Variants in SGIP1 observed in about 807,000 individuals in gnomAD.
SGIP1 encodes SH3GL interacting endocytic adaptor 1, also known as SH3-containing GRB2-like protein 3-interacting protein 1.
In SGIP1, 38 loss-of-function variants were observed where a neutral mutation model predicts 107.5. That is an observed-to-expected ratio of 0.35 (90% CI 0.27 to 0.46). The LOEUF is 0.46. Ranked by LOEUF, SGIP1 falls within the 20% of genes least tolerant of loss-of-function variation. SGIP1 has a pLI of 1.00. For synonymous variants in SGIP1, 365 were observed against 366.1 expected, an observed-to-expected ratio of 1.00 and a Z score of 0.03; for missense variants, 929 against 1,019.5, an observed-to-expected ratio of 0.91 and a Z score of 1.21.
intron 17 of SGIP1, chr1:66,694,599 A>C: frequency 1.1e-6 from 1 of 932,322 alleles, no homozygotes; most frequent in Non-Finnish European, 1.5e-6. Context: ...ACATGCCCTC[A>C]CCTCATGAGT....
chr1:66,649,929 T>C (rs1398676019), intron 7 of SGIP1, among the ~76,000 whole-genome samples: 1 of 152,206 alleles, frequency 6.6e-6, no homozygotes, highest in Non-Finnish European at 1.5e-5. Flanking sequence ...CCCAGTGCCT[T>C]GGTTTCTTCA....
At chr1:66,635,781 T>G (rs1571005716) in intron 3 of SGIP1, among the ~76,000 whole-genome samples, 163 bp from the exon 4 acceptor site, 1 of 152,314 alleles carries the variant, frequency 6.6e-6, no homozygotes. Flanking sequence ...AAGTCCACTC[T>G]TTGCTTAAGG....
chr1:66,694,188 A>G (rs2090420600), intron 17 of SGIP1, among the ~76,000 whole-genome samples: 1 of 149,890 alleles, frequency 6.7e-6, no homozygotes, highest in African/African-American at 2.5e-5. Flanking sequence ...AGCTGACTTC[A>G]GACAAATTCA....
chr1:66,642,908 A>G, intron 6 of SGIP1, 44 bp downstream of exon 6: 2 of 1,460,534 alleles, frequency 1.4e-6, no homozygotes, highest in Non-Finnish European at 1.9e-6. Flanking sequence ...ATTCACTCTC[A>G]GAAAACAGTA....
intron 2 of SGIP1, chr1:66,628,387 C>T (rs2073437729): frequency 6.5e-6 from 1 of 154,598 alleles, no homozygotes; most frequent in Admixed American, 6.6e-5. Flanking sequence ...CCTCAGTTTC[C>T]ACACCTGTAA....
intron 1 of SGIP1, among the ~76,000 whole-genome samples, chr1:66,615,111 GC>G (rs1349558779): frequency 6.6e-6 from 1 of 151,590 alleles, no homozygotes; most frequent in African/African-American, 2.4e-5. Context: ...AGGAGCCTCT[GC>G]CCCCGGCCTT....
chr1:66,673,542 T>C (rs1437907934), intron 12 of SGIP1, among the ~76,000 whole-genome samples, 176 bp downstream of exon 12: 1 of 152,232 alleles, frequency 6.6e-6, no homozygotes, highest in Non-Finnish European at 1.5e-5. Flanking sequence ...AAAATCTCTA[T>C]TATTTTAGGA....
At chr1:66,615,542 A>G (rs1005870319) in intron 1 of SGIP1, among the ~76,000 whole-genome samples, 2 of 152,242 alleles carry the variant, frequency 1.3e-5, no homozygotes, top group Non-Finnish European at 2.9e-5. Context: ...CTATTCCCTG[A>G]ATGAAATATG....
chr1:66,581,508 T>G (rs912315873), intron 1 of SGIP1, among the ~76,000 whole-genome samples: 3 of 152,036 alleles, frequency 2.0e-5, no homozygotes, highest in Non-Finnish European at 4.4e-5. Flanking sequence ...TAATAACTCT[T>G]AACAAGGTTA....
intron 13 of SGIP1, among the ~76,000 whole-genome samples, chr1:66,679,042 G>A (rs562865837): frequency 6.6e-5 from 10 of 152,338 alleles, no homozygotes; most frequent in African/African-American, 9.6e-5. Flanking sequence ...GAATCTCTTC[G>A]TAGGGACCAT....
At chr1:66,594,923 T>C (rs1204928034) in intron 1 of SGIP1, among the ~76,000 whole-genome samples, 2 of 152,168 alleles carry the variant, frequency 1.3e-5, no homozygotes, top group Non-Finnish European at 2.9e-5. Flanking sequence ...GAAAATATTT[T>C]TCGCTCCTTT....
intron 18 of SGIP1, among the ~76,000 whole-genome samples, chr1:66,711,340 C>A (rs2092905724): frequency 6.6e-6 from 1 of 152,090 alleles, no homozygotes. Context: ...CATGATGAAG[C>A]TGAAACTCAG....
chr1:66,538,686 T>C (rs947571630), intron 1 of SGIP1, among the ~76,000 whole-genome samples: 5 of 152,204 alleles, frequency 3.3e-5, no homozygotes, highest in African/African-American at 9.7e-5. Flanking sequence ...GGAATAATGA[T>C]ACAAATAATA....
rs2094377078 is a variant in SGIP1, at chr1:66,739,449, A to G, written c.2146A>G (p.Thr716Ala). 1.2e-6 allele frequency: 2 copies of G among 1,614,182 alleles called. No individual in the cohort carries two copies. The highest frequency in any genetic ancestry group is 1.7e-6 in the Non-Finnish European group (2 of 1,180,034). Residue 716 changes from threonine (T) to alanine (A), a missense_variant, in exon 22 of 25, where the codon ACT (threonine) becomes GCT (alanine). Thr to Ala is a moderately conservative substitution (Grantham distance 58). Around this residue, in one of 2 missense-constraint regions of SGIP1, gnomAD observed 341 missense variants for 430.9 expected, o/e 0.79. Transcript: ENST00000371037. ...CAAATATAATACAGATGCAATGACGACTGCTGTGGCCCTCAACAATGTGCA... is the reference window on the plus strand; with the variant it reads ...CAAATATAATACAGATGCAATGACGGCTGCTGTGGCCCTCAACAATGTGCA... ...DYKYNTDAMTTAVALNNVQFL... is the reference protein window; with the variant it reads ...DYKYNTDAMTAAVALNNVQFL...
chr1:66,658,924 G>T (rs2080319241), intron 7 of SGIP1, among the ~76,000 whole-genome samples: 2 of 152,196 alleles, frequency 1.3e-5, no homozygotes, highest in African/African-American at 4.8e-5. Context: ...GAGTAATTTT[G>T]ATTGGGGGAG....
intron 7 of SGIP1, among the ~76,000 whole-genome samples, chr1:66,652,648 G>A (rs2078986541): frequency 6.6e-6 from 1 of 150,390 alleles, no homozygotes. Flanking sequence ...CCCCAAATTA[G>A]CCTGCCAGAG....
At chr1:66,637,791 ATG>A (rs750385755) in intron 4 of SGIP1, among the ~76,000 whole-genome samples, 4 of 150,248 alleles carry the variant, frequency 2.7e-5, no homozygotes, top group East Asian at 3.9e-4. Context: ...ATATATATGC[ATG>A]TGTGTGTATG....
chr1:66,620,756 A>G (rs1382290456), intron 1 of SGIP1, among the ~76,000 whole-genome samples: 1 of 152,184 alleles, frequency 6.6e-6, no homozygotes, highest in Non-Finnish European at 1.5e-5. Context: ...TGTATTTTAT[A>G]TCACCATCCA....
intron 15 of SGIP1, among the ~76,000 whole-genome samples, chr1:66,683,568 T>C (rs1248651652): frequency 1.3e-5 from 2 of 152,254 alleles, no homozygotes; most frequent in South Asian, 4.2e-4. Flanking sequence ...CCAGGTCCTC[T>C]TCCCCTCAAA....
Sources: gnomAD v4.1 joint callset for allele counts (sites outside exome capture counted in the v4.1 genomes callset) on GRCh38, gnomAD v4.1.1 for gene constraint, gnomAD v4.1.1 regional missense constraint, MANE v1.5 for transcripts, NCBI Gene and HGNC (gene_info 2026-07-23, HGNC 2026-07-21) for gene names.